The following TRPV3 variants were observed in gnomAD, a reference collection of about 807,000 sequenced individuals.
TRPV3 encodes the protein VRL-3.
Under a neutral mutation model 87.1 loss-of-function variants are expected in TRPV3, and 88 were observed. That is an observed-to-expected ratio of 1.01 (90% CI 0.85 to 1.21). TRPV3 has a LOEUF of 1.21. TRPV3 is among the 50% of genes most tolerant of loss of function. TRPV3 has a pLI of 0.00. For missense variants in TRPV3, 1,054 were observed against 1,030.1 expected (o/e 1.02, Z -0.32); for synonymous variants, 438 against 423.3 (o/e 1.03, Z -0.43).
chr17:3,533,803 G>C (rs1269581767), intron 7 of TRPV3, among the ~76,000 whole-genome samples: 4 of 152,010 alleles, frequency 2.6e-5, no homozygotes, highest in African/African-American at 9.7e-5. Context: ...GGTCTACTTT[G>C]TATTTTTTAA....
chr17:3,532,677 C>T lies in TRPV3; in HGVS notation c.1045G>A (p.Ala349Thr), dbSNP rs146393183. The T allele has an allele frequency of 2.5e-5, 40 of 1,614,050 alleles. No homozygotes were observed. In the African/African-American group the frequency reaches 4.3e-4, roughly 17 times the overall value. ...CCCACCTCCGCCTTGCCCATCTTGG[C>T]GGCCAGCTGCAGCGGCGTGAGGCCA... ...NDGLTPLQLA[A>T]KMGKAEILKY... Residue 349 changes from alanine (A) to threonine (T), a missense_variant, in exon 8 of 18, where the codon GCC becomes ACC. By Grantham distance (58) the Ala-to-Thr change is moderately conservative. Transcript: ENST00000576742.
chr17:3,547,862 G>A (rs1378051681), intron 2 of TRPV3, among the ~76,000 whole-genome samples: 2 of 152,148 alleles, frequency 1.3e-5, no homozygotes, highest in East Asian at 1.9e-4. Flanking sequence ...ATACACCCGT[G>A]ATGTGACTCC....
At position 3,530,409 on chromosome 17, in the gene TRPV3, G is replaced by C. The variant is rs1339367384; in HGVS notation, c.1066-206C>G. ...GCTTGCTGTTCCGCCCATCTCACTG[G>C]GGGTTGTGAATACCAGGGACAAAGG... On this transcript the variant is annotated intron_variant, in intron 8 of 17. Coordinates refer to ENST00000576742, the MANE Select transcript of TRPV3 (RefSeq NM_145068.4). This position sits in a 1 kb window ranked among gnomAD's most constrained non-coding sequence, Gnocchi z 4.0. Among the ~76,000 whole-genome samples, 1 of 151,142 alleles carries C rather than the reference G, an allele frequency of 6.6e-6. No homozygotes were observed. The highest frequency in any genetic ancestry group is 1.5e-5 in the Non-Finnish European group (1 of 67,644).
intron 16 of TRPV3, 116 bp downstream of exon 16, chr17:3,516,341 T>C (rs2074183050): frequency 3.7e-6 from 3 of 809,172 alleles, no homozygotes; most frequent in South Asian, 1.5e-5. Flanking sequence ...GAAGAGACAG[T>C]AGCTGTGGTT....
At chr17:3,554,367 A>C in intron 2 of TRPV3, 1 of 194,286 alleles carries the variant, frequency 5.1e-6, no homozygotes, top group Non-Finnish European at 1.0e-5. Flanking sequence ...AAACGTGCCC[A>C]ACAGAGGCTC....
Position 3,512,881 on chromosome 17 carries a change from CTGAGGT to C in TRPV3, c.*1030_*1035del, listed in dbSNP as rs1314841968. The stretch of plus-strand genomic sequence containing the variant: ...TGTTAAATTCCCCCACTGAGACATA[CTGAGGT>C]ATGCGACTAACTGCTGAGTTCCAAG... On this transcript the variant is annotated 3_prime_UTR_variant, in exon 18 of 18. Transcript: ENST00000576742. 6.6e-6 allele frequency: 1 copy of C among 152,202 alleles called. No individual in the cohort carries two copies. The highest frequency in any genetic ancestry group is 2.4e-5 in the African/African-American group (1 of 41,442). The allele number at this position is 152,202 out of a possible 1,614,324, so 9.4% of individuals were successfully genotyped here. A position where few individuals can be genotyped will look rare whatever the true frequency, so the allele number is the denominator to read the frequency against.
rs11078458 is a variant in TRPV3 at position 3,542,607 on chromosome 17, T to A, written c.558A>T (p.Ile186=). Residue 186 remains isoleucine (I), a synonymous_variant, in exon 6 of 18, where the codon ATA becomes ATT. Coordinates refer to ENST00000576742, the MANE Select transcript of TRPV3 (RefSeq NM_145068.4). The stretch of plus-strand genomic sequence containing the variant: ...CAGCAAAGGCAAGCAGGATCCGCAC[T>A]ATCTCCTTGGTGTTGGGGTTGATGT... ...LLNINPNTKE[I]VRILLAFAEE... The A allele has an allele frequency of 1.4e-5, 23 of 1,613,634 alleles. No homozygotes were observed. The South Asian group carries it at 2.2e-4, about 15-fold the overall frequency.
chr17:3,524,688 C>T lies in TRPV3; in HGVS notation c.1578-325G>A, dbSNP rs542707894. 5.9e-5 allele frequency among the ~76,000 whole-genome samples: 9 copies of T among 151,702 alleles called. No individual in the cohort carries two copies. In the East Asian group the frequency reaches 1.2e-3, roughly 20 times the overall value. ...CCATATATTTTTTAAATTACCCACA[C>T]GGGCCTGGTGTAGTGGCTTTCGCCT... On this transcript the variant is annotated intron_variant, in intron 12 of 17. Transcript: ENST00000576742.
At chr17:3,523,867 T>A (rs900559155) in intron 13 of TRPV3, among the ~76,000 whole-genome samples, 3 of 151,890 alleles carry the variant, frequency 2.0e-5, no homozygotes, top group Admixed American at 6.6e-5. Flanking sequence ...CTTTTGTGTA[T>A]ATATATGGAA....
At position 3,535,696 on chromosome 17, in the gene TRPV3, T is replaced by G; in HGVS notation, c.661A>C (p.Ile221Leu). 1 of 1,568,196 alleles carries G rather than the reference T, an allele frequency of 6.4e-7. No homozygotes were observed. Among genetic ancestry groups the G allele is most frequent in the Non-Finnish European group, 8.6e-7 (1 of 1,159,528 alleles). The part of the protein sequence containing the change: ...EAYEGQTALN[I>L]AIERRQGDIA... ...TCCCCCTGCCGCCGCTCGATGGCGA[T>G]GTTCAGCGCCGTCTGCCCTGCGGAG... The change falls in exon 7 of 18, where the codon ATC (isoleucine) becomes CTC (leucine). Residue 221 changes from isoleucine (I) to leucine (L), a missense_variant. Physicochemically the swap from Ile to Leu is conservative, Grantham distance 5. Coordinates refer to ENST00000576742, the MANE Select transcript of TRPV3 (RefSeq NM_145068.4).
At chr17:3,541,512 A>G (rs1241358129) in intron 6 of TRPV3, among the ~76,000 whole-genome samples, 1 of 152,180 alleles carries the variant, frequency 6.6e-6, no homozygotes, top group Non-Finnish European at 1.5e-5. Context: ...AAACTCAAAT[A>G]AAGACACATC....
rs775103170 is a variant in TRPV3, at chr17:3,530,703, C to T, written c.1066-500G>A. Among the ~76,000 whole-genome samples the T allele has an allele frequency of 7.8e-4, 118 of 152,236 alleles. No individual in the cohort carries two copies. Among genetic ancestry groups the T allele is most frequent in the Middle Eastern group, 3.4e-3 (1 of 294 alleles). Reference sequence around the variant, plus strand: ...CCCTACAGGGAGGCCCGTGGGACTTCGGTAGGCCAGTGATCCTCAAACTCT... The same window carrying T: ...CCCTACAGGGAGGCCCGTGGGACTTTGGTAGGCCAGTGATCCTCAAACTCT... On this transcript the variant is annotated intron_variant, in intron 8 of 17. Transcript: ENST00000576742. This position sits in a 1 kb window ranked among gnomAD's most constrained non-coding sequence, Gnocchi z 4.0.
At position 3,557,472 on chromosome 17, in the gene TRPV3, A is replaced by G. The variant is rs539850283; in HGVS notation, c.-3+204T>C. ...AGTCTGTAAGGACCTATATTCTCAC[A>G]CATCCCTACAGCCAAGAGTGCAGCC... On this transcript the variant is annotated intron_variant, in intron 1 of 17. Coordinates refer to ENST00000576742, the MANE Select transcript of TRPV3 (RefSeq NM_145068.4). The surrounding 1 kb of genome is among the most constrained non-coding windows in gnomAD (Gnocchi z 4.5). 1.0e-3 allele frequency among the ~76,000 whole-genome samples: 155 copies of G among 152,294 alleles called. 1 individual carries two copies. The highest frequency in any genetic ancestry group is 1.4e-3 in the Non-Finnish European group (97 of 68,008).
rs2079250174 is a variant in TRPV3, at chr17:3,556,382, G to A, written c.-3+1294C>T. ...GCCATAGGGACGGGGAAGGGGGCCA[G>A]CTGGCCACAGAGGGATGACATGGGC... On this transcript the variant is annotated intron_variant, in intron 1 of 17. Transcript: ENST00000576742. The surrounding 1 kb of genome is among the most constrained non-coding windows in gnomAD (Gnocchi z 4.2). 1.3e-5 allele frequency among the ~76,000 whole-genome samples: 2 copies of A among 151,750 alleles called. No individual in the cohort carries two copies. Among genetic ancestry groups the A allele is most frequent in the South Asian group, 2.1e-4 (1 of 4,782 alleles).
At chr17:3,533,539 G>GC (rs2074370913) in intron 7 of TRPV3, among the ~76,000 whole-genome samples, 2 of 141,436 alleles carry the variant, frequency 1.4e-5, no homozygotes, top group Non-Finnish European at 3.0e-5. Context: ...CTACTCTGTC[G>GC]CCAGGCTGGA....
chr17:3,535,070 G>A lies in TRPV3; in HGVS notation c.784+503C>T, dbSNP rs537379518. Among the ~76,000 whole-genome samples, 47 of 151,628 alleles carry A rather than the reference G, an allele frequency of 3.1e-4. No homozygotes were observed. In the South Asian group the frequency reaches 9.2e-3, roughly 30 times the overall value. On this transcript the variant is annotated intron_variant, in intron 7 of 17. Transcript: ENST00000576742. ...CAGCCTCCTCCCCTCCTGCCCCTCT[G>A]GGGCACCAGAGCTTCTTAAGGCAGG...
rs763488237 is a variant in TRPV3 at position 3,542,547 on chromosome 17, G to A, written c.618C>T (p.Ala206=). The part of the protein sequence containing the change: ...ENDILGRFIN[A]EYTEEAYEGQ... ...CTTCATAGGCCTCCTCTGTGTACTC[G>A]GCGTTGATGAACCTGCCCAGGATGT... Residue 206 remains alanine, a synonymous_variant, in exon 6 of 18, where the codon GCC becomes GCT. Coordinates refer to ENST00000576742, the MANE Select transcript of TRPV3 (RefSeq NM_145068.4). 34 of 1,613,852 alleles carry A rather than the reference G, an allele frequency of 2.1e-5. No homozygotes were observed. The highest frequency in any genetic ancestry group is 1.6e-4 in the Middle Eastern group (1 of 6,084).
rs542231988 is a variant in TRPV3 at position 3,526,702 on chromosome 17, G to A, written c.1577+152C>T. The A allele has an allele frequency of 4.6e-6, 3 of 646,314 alleles. No individual in the cohort carries two copies. The African/African-American group carries it at 5.4e-5, about 12-fold the overall frequency. The allele number at this position is 646,314 out of a possible 1,614,324, so 40.0% of individuals were successfully genotyped here. Reference sequence around the variant, plus strand: ...GCATTTACGTGTCTCCTACTAGGAGGAAGAGAGGAGACCCCTGGCGTGTAA... The same window carrying A: ...GCATTTACGTGTCTCCTACTAGGAGAAAGAGAGGAGACCCCTGGCGTGTAA... On this transcript the variant is annotated intron_variant, in intron 12 of 17. Coordinates refer to ENST00000576742, the MANE Select transcript of TRPV3 (RefSeq NM_145068.4).
At chr17:3,545,050 A>T (rs2074510891) in intron 3 of TRPV3, 117 bp downstream of exon 3, 1 of 641,958 alleles carries the variant, frequency 1.6e-6, no homozygotes, top group African/African-American at 1.8e-5. Context: ...TTTATAATAG[A>T]CAGTGGTAGC....
Sources: gnomAD v4.1 joint callset for allele counts (sites outside exome capture counted in the v4.1 genomes callset) on GRCh38, gnomAD v4.1.1 for gene constraint, Gnocchi (gnomAD v3.1) non-coding constraint, MANE v1.5 for transcripts, NCBI Gene and HGNC (gene_info 2026-07-23, HGNC 2026-07-21) for gene names.